Variants in KHDRBS2 observed in about 807,000 individuals in gnomAD.
KHDRBS2 encodes the protein KH RNA binding domain containing, signal transduction associated 2, also known as KH domain-containing, RNA-binding, signal transduction-associated protein 2.
Under a neutral mutation model 44.3 loss-of-function variants are expected in KHDRBS2, and 26 were observed. The observed-to-expected ratio is 0.59, with a 90% CI of 0.43 to 0.81. The LOEUF (loss-of-function observed/expected upper bound fraction) is 0.81, where lower values mean the gene tolerates loss of function less well. Ranked by LOEUF, KHDRBS2 falls within the 40% of genes least tolerant of loss-of-function variation. The pLI is 0.00. For synonymous variants in KHDRBS2, 194 were observed against 151.1 expected (o/e 1.28, Z -2.08); for missense variants, 476 against 433.1 (o/e 1.10, Z -0.88).
At chr6:62,053,145 G>T (rs1392516434) in intron 2 of KHDRBS2, among the ~76,000 whole-genome samples, 2 of 151,818 alleles carry the variant, frequency 1.3e-5, no homozygotes, top group Non-Finnish European at 2.9e-5. Context: ...AATAAAATCA[G>T]CATAAAATCA....
At chr6:62,036,430 C>T (rs1785297067) in intron 3 of KHDRBS2, among the ~76,000 whole-genome samples, 2 of 151,878 alleles carry the variant, frequency 1.3e-5, no homozygotes, top group South Asian at 2.1e-4. Context: ...CAAAAAACTA[C>T]TTATCGGACA....
Position 61,945,132 on chromosome 6 carries a change from T to TATAC in KHDRBS2, c.483+32933_483+32934insGTAT, listed in dbSNP as rs1554284620. 9.2e-5 allele frequency among the ~76,000 whole-genome samples: 9 copies of TATAC among 98,134 alleles called. 1 individual carries two copies. The highest frequency in any genetic ancestry group is 1.2e-4 in the Admixed American group (1 of 8,644). 64.4% of individuals were successfully genotyped at this position (98,134 alleles called of 152,430 possible). A position where few individuals can be genotyped will look rare whatever the true frequency, so the allele number is the denominator to read the frequency against. ...AAAAAAGTATATATATATATATATATATATATATATATATATATACACACA... is the reference window on the plus strand; with the variant it reads ...AAAAAAGTATATATATATATATATATATACATATATATATATATATATACACACA... On this transcript the variant is annotated intron_variant, in intron 4 of 8. Coordinates refer to ENST00000281156, the MANE Select transcript of KHDRBS2 (RefSeq NM_152688.4).
intron 1 of KHDRBS2, among the ~76,000 whole-genome samples, chr6:62,182,800 A>G (rs2150126524): frequency 6.6e-6 from 1 of 152,032 alleles, no homozygotes; most frequent in South Asian, 2.1e-4. Flanking sequence ...TTTCAAAAAT[A>G]TTTTTAATAC....
intron 3 of KHDRBS2, among the ~76,000 whole-genome samples, chr6:61,985,109 G>C (rs1774794817): frequency 6.6e-6 from 1 of 152,012 alleles, no homozygotes; most frequent in Non-Finnish European, 1.5e-5. Context: ...GTTCTGATTA[G>C]GATATTTCAA....
chr6:61,688,266 T>C (rs970717211), intron 8 of KHDRBS2, among the ~76,000 whole-genome samples: 1 of 151,870 alleles, frequency 6.6e-6, no homozygotes, highest in African/African-American at 2.4e-5. Flanking sequence ...GAAAGGATTT[T>C]CAAAATGGAA....
chr6:61,785,731 G>T (rs1468874443), intron 6 of KHDRBS2, among the ~76,000 whole-genome samples: 2 of 151,946 alleles, frequency 1.3e-5, no homozygotes, highest in African/African-American at 2.4e-5. Context: ...TATTTAAAAT[G>T]TATTGCTTTA....
chr6:61,774,155 A>T (rs1781519643), intron 6 of KHDRBS2, among the ~76,000 whole-genome samples: 1 of 152,152 alleles, frequency 6.6e-6, no homozygotes, highest in South Asian at 2.1e-4. Context: ...ATGAACTTTA[A>T]AGTAGTTTTT....
At chr6:61,592,395 G>A in the KHDRBS2 span, among the ~76,000 whole-genome samples, 2 of 152,076 alleles carry the variant, frequency 1.3e-5, no homozygotes, top group Admixed American at 6.6e-5. Flanking sequence ...GAGAAACAAA[G>A]GTAAGGCCAG....
intron 4 of KHDRBS2, among the ~76,000 whole-genome samples, chr6:61,920,946 C>T (rs1807964292): frequency 6.6e-6 from 1 of 151,600 alleles, no homozygotes; most frequent in Non-Finnish European, 1.5e-5. Flanking sequence ...AAAATGGCAA[C>T]GTAAGTGAAA....
chr6:61,851,969 C>G (rs1445887143), intron 6 of KHDRBS2, among the ~76,000 whole-genome samples: 2 of 152,132 alleles, frequency 1.3e-5, no homozygotes, highest in Non-Finnish European at 2.9e-5. Flanking sequence ...TGGCTGTAAT[C>G]CCAGCACTTT....
intron 4 of KHDRBS2, among the ~76,000 whole-genome samples, chr6:61,928,232 C>T (rs954372902): frequency 2.0e-5 from 3 of 152,072 alleles, no homozygotes; most frequent in African/African-American, 4.8e-5. Context: ...TGCAACAATT[C>T]TTGTTGGCTT....
chr6:62,219,284 GA>G (rs1298863173), intron 1 of KHDRBS2, among the ~76,000 whole-genome samples: 1 of 151,874 alleles, frequency 6.6e-6, no homozygotes, highest in African/African-American at 2.4e-5. Flanking sequence ...ATGATTATAA[GA>G]GATACAGAAA....
At position 61,894,594 on chromosome 6, in the gene KHDRBS2, A is replaced by G. The variant is rs142144310; in HGVS notation, c.810+41T>C. The stretch of plus-strand genomic sequence containing the variant: ...TGAGACGTAGCTTGTTAACTAATCA[A>G]TTTAACTCATCCTTACAACTTATTT... On this transcript the variant is annotated intron_variant, in intron 6 of 8. Transcript: ENST00000281156. 373 of 1,525,296 alleles carry G rather than the reference A, an allele frequency of 2.4e-4. 1 individual carries two copies. The African/African-American group carries it at 4.5e-3, about 18-fold the overall frequency. The allele number at this position is 1,525,296 out of a possible 1,614,324, so 94.5% of individuals were successfully genotyped here.
the KHDRBS2 span, among the ~76,000 whole-genome samples, chr6:61,629,867 C>G: frequency 6.6e-6 from 1 of 152,168 alleles, no homozygotes; most frequent in Non-Finnish European, 1.5e-5. Flanking sequence ...TTGTAAGAGT[C>G]CACATTATTT....
At chr6:61,736,165 T>G (rs1250334578) in intron 6 of KHDRBS2, among the ~76,000 whole-genome samples, 1 of 150,784 alleles carries the variant, frequency 6.6e-6, no homozygotes, top group African/African-American at 2.4e-5. Context: ...GCACAGTAAA[T>G]TTACTTTTTT....
the KHDRBS2 span, among the ~76,000 whole-genome samples, chr6:61,588,896 T>G: frequency 6.6e-6 from 1 of 152,126 alleles, no homozygotes; most frequent in Admixed American, 6.6e-5. Flanking sequence ...ATAAAAATAA[T>G]GAGTTCATGT....
intron 2 of KHDRBS2, among the ~76,000 whole-genome samples, chr6:62,124,183 G>C (rs1322237029): frequency 1.3e-5 from 2 of 152,178 alleles, no homozygotes; most frequent in African/African-American, 4.8e-5. Context: ...GCCTGAGAGT[G>C]ACCTTGTTCA....
chr6:61,553,093 T>C, the KHDRBS2 span, among the ~76,000 whole-genome samples: 1 of 152,328 alleles, frequency 6.6e-6, no homozygotes, highest in South Asian at 2.1e-4. Context: ...CTCTTCTTTA[T>C]ACAAGTGGTT....
At chr6:62,263,451 C>G (rs1316159753) in intron 1 of KHDRBS2, among the ~76,000 whole-genome samples, 1 of 151,560 alleles carries the variant, frequency 6.6e-6, no homozygotes, top group South Asian at 2.1e-4. Context: ...CCAAATATTA[C>G]TGATACATGA....
Sources: gnomAD v4.1 joint callset for allele counts (sites outside exome capture counted in the v4.1 genomes callset) on GRCh38, gnomAD v4.1.1 for gene constraint, MANE v1.5 for transcripts, NCBI Gene and HGNC (gene_info 2026-07-23, HGNC 2026-07-21) for gene names.